The following PTPRH variants were observed in gnomAD, a reference collection of about 807,000 sequenced individuals.
PTPRH encodes the protein protein tyrosine phosphatase receptor type H, also known as receptor-type tyrosine-protein phosphatase H.
PTPRH carries 113 observed loss-of-function variants against 130.2 expected under a neutral mutation model. That is an observed-to-expected ratio of 0.87 (90% CI 0.75 to 1.01). PTPRH has a LOEUF of 1.01. Ranked by LOEUF, PTPRH falls within the 50% of genes least tolerant of loss-of-function variation. The pLI is 0.00. For missense variants in PTPRH, 1,430 were observed against 1,425.0 expected (o/e 1.00, Z -0.06); for synonymous variants, 556 against 577.9 (o/e 0.96, Z 0.54).
intron 14 of PTPRH, 96 bp from the exon 15 acceptor site, chr19:55,186,636 G>C (rs962836385): frequency 3.7e-5 from 41 of 1,113,534 alleles, no homozygotes; most frequent in Non-Finnish European, 5.3e-5. Flanking sequence ...ACAGAGACAA[G>C]ACCAAGACCC....
chr19:55,181,902 G>A lies in PTPRH; in HGVS notation c.3200C>T (p.Ala1067Val), dbSNP rs752744285. The A allele has an allele frequency of 4.3e-6, 7 of 1,614,220 alleles. No individual in the cohort carries two copies. Among genetic ancestry groups the A allele is most frequent in the Non-Finnish European group, 5.9e-6 (7 of 1,180,026 alleles). ...ESRPLMVQTE[A>V]QYVFLHQCIL... ...GCACTGATGCAGGAATACGTACTGA[G>A]CCTGGGAAGCAGGCACGGGAGTGAG... Residue 1067 changes from alanine (A) to valine (V), a missense_variant and splice_region_variant, in exon 20 of 20, where the codon GCT (alanine) becomes GTT (valine). Physicochemically the swap from Ala to Val is moderately conservative, Grantham distance 64. Coordinates refer to ENST00000376350, the MANE Select transcript of PTPRH (RefSeq NM_002842.5).
intron 10 of PTPRH, chr19:55,192,000 G>A: frequency 1.6e-6 from 1 of 628,936 alleles, no homozygotes. Context: ...AAGACTACAA[G>A]GAGGAAGACC....
Position 55,200,278 on chromosome 19 carries a change from T to G in PTPRH, c.1378A>C (p.Asn460His). 5.6e-6 allele frequency: 9 copies of G among 1,614,210 alleles called. No homozygotes were observed. Among genetic ancestry groups the G allele is most frequent in the Non-Finnish European group, 7.6e-6 (9 of 1,180,050 alleles). The change falls in exon 7 of 20, where the codon AAT becomes CAT. Residue 460 changes from asparagine to histidine, a missense_variant. Physicochemically the swap from Asn to His is moderately conservative, Grantham distance 68. Coordinates refer to ENST00000376350, the MANE Select transcript of PTPRH (RefSeq NM_002842.5). ...LYTFSVWAEKNGARGSRQNVS... is the reference protein window; with the variant it reads ...LYTFSVWAEKHGARGSRQNVS... ...TTCTGCCTGGAGCCACGTGCTCCAT[T>G]TTTTTCTGCCCATACAGAGAATGTG...
intron 12 of PTPRH, among the ~76,000 whole-genome samples, chr19:55,191,230 A>G (rs1453731423): frequency 6.6e-6 from 1 of 152,208 alleles, no homozygotes; most frequent in Non-Finnish European, 1.5e-5. Flanking sequence ...TGGCACCTGG[A>G]ACAGTGCCTG....
chr19:55,203,199 C>T (rs113455860), intron 5 of PTPRH, among the ~76,000 whole-genome samples: 2,337 of 146,454 alleles, frequency 0.016, 51 homozygotes, highest in African/African-American at 0.055. Context: ...TGGCGGTGTG[C>T]GCCTGTAGTC....
chr19:55,201,839 G>C (rs2086873050), intron 6 of PTPRH, among the ~76,000 whole-genome samples: 1 of 152,224 alleles, frequency 6.6e-6, no homozygotes, highest in African/African-American at 2.4e-5. Flanking sequence ...ACATTCTAGA[G>C]AGTCCTAGAC....
intron 19 of PTPRH, 51 bp downstream of exon 19, chr19:55,181,965 G>T (rs2086187442): frequency 6.2e-7 from 1 of 1,613,430 alleles, no homozygotes; most frequent in African/African-American, 1.3e-5. Context: ...GGAGCCCCAG[G>T]GTCCCTCGTC....
rs1231943872 is a variant in PTPRH, at chr19:55,206,728, C to T, written c.313G>A (p.Gly105Arg). ...ACAGTCCCCACAGAGCTATTTACTCCGTCTTTCTCCACCCACACAGAACAC... is the reference window on the plus strand; with the variant it reads ...ACAGTCCCCACAGAGCTATTTACTCTGTCTTTCTCCACCCACACAGAACAC... ...YTCSVWVEKD[G>R]VNSSVGTVTT... The change falls in exon 3 of 20, where the codon GGA becomes AGA. Residue 105 changes from glycine to arginine, a missense_variant. Transcript: ENST00000376350. 6 of 1,612,504 alleles carry T rather than the reference C, an allele frequency of 3.7e-6. No homozygotes were observed. Among genetic ancestry groups the T allele is most frequent in the East Asian group, 2.2e-5 (1 of 44,842 alleles).
rs188988631 is a variant in PTPRH, at chr19:55,198,505, C to T, written c.1690+138G>A. 717 of 907,644 alleles carry T rather than the reference C, an allele frequency of 7.9e-4. 10 individuals are homozygous for T. The South Asian group carries it at 0.014, about 18-fold the overall frequency. 56.2% of individuals were successfully genotyped at this position (907,644 alleles called of 1,614,324 possible). The stretch of plus-strand genomic sequence containing the variant: ...AAACGACACCCACTAGGAACGGGAC[C>T]TACAGGTTTAAGCTCCGGCCGGTGA... On this transcript the variant is annotated intron_variant, in intron 8 of 19. Transcript: ENST00000376350.
At chr19:55,206,092 G>A (rs2087042696) in intron 3 of PTPRH, among the ~76,000 whole-genome samples, 1 of 151,948 alleles carries the variant, frequency 6.6e-6, no homozygotes, top group African/African-American at 2.4e-5. Context: ...AGTTAGTTGG[G>A]CATGGTGGCA....
chr19:55,206,045 C>T (rs1327119034), intron 3 of PTPRH, among the ~76,000 whole-genome samples: 1 of 151,984 alleles, frequency 6.6e-6, no homozygotes, highest in East Asian at 1.9e-4. Context: ...CCAGCCTGGC[C>T]AACATGGCGA....
intron 9 of PTPRH, 74 bp downstream of exon 9, chr19:55,197,043 C>T: frequency 6.5e-7 from 1 of 1,538,730 alleles, no homozygotes; most frequent in Non-Finnish European, 8.9e-7. Context: ...ATTTGTATTC[C>T]ATTCATCTCT....
intron 4 of PTPRH, among the ~76,000 whole-genome samples, chr19:55,204,380 C>T (rs2086976285): frequency 6.6e-6 from 1 of 152,210 alleles, no homozygotes; most frequent in African/African-American, 2.4e-5. Context: ...GCTGGGACTA[C>T]AGGCGTGAGG....
At chr19:55,192,645 G>A (rs567475112) in intron 10 of PTPRH, among the ~76,000 whole-genome samples, 34 of 150,490 alleles carry the variant, frequency 2.3e-4, no homozygotes, top group East Asian at 2.1e-3. Context: ...TCTGCCTCCC[G>A]GGTTCACGCC....
At chr19:55,207,628 C>G (rs1454606958) in intron 1 of PTPRH, among the ~76,000 whole-genome samples, 1 of 130,522 alleles carries the variant, frequency 7.7e-6, no homozygotes, top group Non-Finnish European at 1.6e-5. Flanking sequence ...GTCTCGACCT[C>G]TGGTTTGAGG....
In PTPRH at chr19:55,191,715, T is replaced by C; in HGVS notation, c.2284A>G (p.Ile762Val). The C allele has an allele frequency of 2.5e-6, 4 of 1,614,056 alleles. No homozygotes were observed. The highest frequency in any genetic ancestry group is 3.3e-4 in the Middle Eastern group (2 of 6,062). ...CCCACGAGGATGAGAAACAGGAGGA[T>C]GCCCACAAAGGCTCCGGCAATGACC... ...AGVIAGAFVG[I>V]LLFLILVGLL... is the part of the protein sequence containing the mutation. Residue 762 changes from isoleucine to valine, a missense_variant, in exon 11 of 20, where the codon ATC (isoleucine) becomes GTC (valine). By Grantham distance (29) the Ile-to-Val change is conservative. Coordinates refer to ENST00000376350, the MANE Select transcript of PTPRH (RefSeq NM_002842.5).
At chr19:55,206,571 G>T in intron 3 of PTPRH, 118 bp downstream of exon 3, 1 of 1,067,752 alleles carries the variant, frequency 9.4e-7, no homozygotes, top group Non-Finnish European at 1.3e-6. Context: ...ATTCTCACGT[G>T]TGGCTTCCAC....
intron 6 of PTPRH, among the ~76,000 whole-genome samples, chr19:55,200,937 C>T (rs907016926): frequency 2.7e-5 from 4 of 148,628 alleles, no homozygotes; most frequent in Admixed American, 6.6e-5. Context: ...AGCGAGACTC[C>T]GTCTCAAAAC....
rs879938660 is a variant in PTPRH at position 55,209,166 on chromosome 19, C to T, written c.51+217G>A. Among the ~76,000 whole-genome samples, 34 of 151,490 alleles carry T rather than the reference C, an allele frequency of 2.2e-4. No homozygotes were observed. Among genetic ancestry groups the T allele is most frequent in the Non-Finnish European group, 4.3e-4 (29 of 67,818 alleles). On this transcript the variant is annotated intron_variant, in intron 1 of 19. Coordinates refer to ENST00000376350, the MANE Select transcript of PTPRH (RefSeq NM_002842.5). This position sits in a 1 kb window ranked among gnomAD's most constrained non-coding sequence, Gnocchi z 4.1. Reference sequence around the variant, plus strand: ...ACAGACACGACAATGTCTAAGGGCCCGGGTGAAGCTGGTGTCCCCCGCAGC... The same window carrying T: ...ACAGACACGACAATGTCTAAGGGCCTGGGTGAAGCTGGTGTCCCCCGCAGC...
Sources: allele counts gnomAD v4.1 joint callset (sites outside exome capture counted in the v4.1 genomes callset), GRCh38; gene constraint gnomAD v4.1.1; non-coding constraint Gnocchi (gnomAD v3.1); transcripts MANE v1.5; gene names NCBI Gene and HGNC (gene_info 2026-07-23, HGNC 2026-07-21).